The following RHOBTB1 variants were observed in gnomAD, a reference collection of about 807,000 sequenced individuals.
The protein encoded by RHOBTB1 is rho-related BTB domain-containing protein 1.
Under a neutral mutation model 71.6 loss-of-function variants are expected in RHOBTB1, and 40 were observed. The ratio of observed to expected loss-of-function variants is 0.56; its 90% CI spans 0.43 to 0.73. The LOEUF (loss-of-function observed/expected upper bound fraction) is 0.73, where lower values mean the gene tolerates loss of function less well. RHOBTB1 is among the 30% of genes least tolerant of loss of function. The pLI, the probability that RHOBTB1 is intolerant of heterozygous loss-of-function variation, is 0.00. For synonymous variants in RHOBTB1, 319 were observed against 334.9 expected (o/e 0.95, Z 0.52); for missense variants, 797 against 894.0 (o/e 0.89, Z 1.38).
At chr10:60,942,850 G>A (rs2084974927) in intron 1 of RHOBTB1, among the ~76,000 whole-genome samples, 1 of 136,896 alleles carries the variant, frequency 7.3e-6, no homozygotes, top group Admixed American at 7.8e-5. Context: ...TGAAACCACC[G>A]ATAACGGTAT....
At chr10:60,900,107 G>A (rs191308807) in intron 4 of RHOBTB1, among the ~76,000 whole-genome samples, 1 of 152,306 alleles carries the variant, frequency 6.6e-6, no homozygotes, top group African/African-American at 2.4e-5. Flanking sequence ...AGGGGAAACT[G>A]AAGTCTTTGA....
chr10:60,893,078 C>T, intron 4 of RHOBTB1, 83 bp from the exon 5 acceptor site: 1 of 949,896 alleles, frequency 1.1e-6, no homozygotes, highest in East Asian at 2.5e-5. Context: ...CAAACCCCAT[C>T]CTTCTAATGC....
intron 2 of RHOBTB1, among the ~76,000 whole-genome samples, chr10:60,932,463 G>T (rs995480414): frequency 1.1e-4 from 16 of 142,004 alleles, no homozygotes; most frequent in Non-Finnish European, 2.1e-4. Context: ...CTGTACATTT[G>T]CGATCTGCAT....
chr10:61,001,122 C>G (rs576568258), intron 1 of RHOBTB1, among the ~76,000 whole-genome samples: 230 of 152,158 alleles, frequency 1.5e-3, no homozygotes, highest in African/African-American at 5.4e-3. Flanking sequence ...AGGTAGGAGG[C>G]TGCTCAAGAC....
intron 1 of RHOBTB1, among the ~76,000 whole-genome samples, chr10:60,997,132 A>G (rs2087083881): frequency 6.6e-6 from 1 of 151,736 alleles, no homozygotes; most frequent in East Asian, 1.9e-4. Context: ...AACAAATGTC[A>G]TCATACCTAG....
intron 2 of RHOBTB1, among the ~76,000 whole-genome samples, chr10:60,925,060 T>G (rs535756658): frequency 1.3e-5 from 2 of 152,278 alleles, no homozygotes; most frequent in South Asian, 2.1e-4. Flanking sequence ...CAAGATCTGG[T>G]CATTTAAAAC....
chr10:60,966,422 C>A (rs549226722), intron 2 of RHOBTB1, among the ~76,000 whole-genome samples: 1 of 151,562 alleles, frequency 6.6e-6, no homozygotes, highest in African/African-American at 2.4e-5. Flanking sequence ...GTAATCCCAG[C>A]GCTTTGGGAG....
chr10:60,985,976 G>A (rs1299739852), intron 1 of RHOBTB1: 1 of 152,102 alleles, frequency 6.6e-6, no homozygotes, highest in African/African-American at 2.4e-5. Context: ...AGCATGGAAT[G>A]TTTCACTATC....
intron 6 of RHOBTB1, among the ~76,000 whole-genome samples, chr10:60,887,115 G>T (rs956900385): frequency 1.3e-5 from 2 of 148,584 alleles, no homozygotes. Context: ...CTCCCACATT[G>T]TATTTGATTA....
At chr10:60,982,804 A>C (rs1403445913) in intron 2 of RHOBTB1, among the ~76,000 whole-genome samples, 1 of 152,196 alleles carries the variant, frequency 6.6e-6, no homozygotes, top group Non-Finnish European at 1.5e-5. Context: ...GCTAGAATGC[A>C]TGTAGACTCT....
downstream of RHOBTB1, among the ~76,000 whole-genome samples, chr10:60,865,070 T>C (rs2080630897): frequency 6.6e-6 from 1 of 152,164 alleles, no homozygotes. Flanking sequence ...GGTCCAAACC[T>C]GGTAATGGGA....
At chr10:60,943,790 A>G (rs112933076) in intron 1 of RHOBTB1, among the ~76,000 whole-genome samples, 181 bp downstream of exon 1, 7,864 of 151,766 alleles carry the variant, frequency 0.052, 316 homozygotes, top group African/African-American at 0.11. Flanking sequence ...CCGGCCTCTC[A>G]GAGAGGCGAG....
chr10:60,872,855 G>T (rs1336563663), intron 9 of RHOBTB1, among the ~76,000 whole-genome samples: 1 of 152,106 alleles, frequency 6.6e-6, no homozygotes, highest in African/African-American at 2.4e-5. Context: ...CAGGAAGGTG[G>T]CAGCTGAGGT....
chr10:60,928,555 C>T (rs115152911), intron 2 of RHOBTB1, among the ~76,000 whole-genome samples: 1 of 151,616 alleles, frequency 6.6e-6, no homozygotes, highest in African/African-American at 2.4e-5. Context: ...CACTCATATA[C>T]AGGAGCTCCA....
At chr10:60,970,607 C>G (rs1219016103) in intron 2 of RHOBTB1, among the ~76,000 whole-genome samples, 2 of 152,032 alleles carry the variant, frequency 1.3e-5, no homozygotes. Flanking sequence ...TCATTTTGGA[C>G]AGTAGCATAA....
Position 60,944,126 on chromosome 10 carries a change from G to A in RHOBTB1, c.-217C>T, listed in dbSNP as rs1402420144. ...CGCCCGCCGCCCAACTTTGCACAAA[G>A]GCAGCATGGCACTGCCTCGCCCTGC... is the stretch of plus-strand genomic sequence containing the variant. On this transcript the variant is annotated 5_prime_UTR_variant, in exon 1 of 11. Transcript: ENST00000337910. 1 of 151,888 alleles carries A rather than the reference G, an allele frequency of 6.6e-6. No homozygotes were observed. Among genetic ancestry groups the A allele is most frequent in the Non-Finnish European group, 1.5e-5 (1 of 68,054 alleles). 9.4% of individuals were successfully genotyped at this position (151,888 alleles called of 1,614,324 possible).
chr10:60,911,740 C>G (rs2082983404), intron 2 of RHOBTB1, among the ~76,000 whole-genome samples, 188 bp from the exon 3 acceptor site: 1 of 152,226 alleles, frequency 6.6e-6, no homozygotes, highest in Non-Finnish European at 1.5e-5. Flanking sequence ...ATATCTCACA[C>G]AAGTACAAAA....
upstream of RHOBTB1, among the ~76,000 whole-genome samples, chr10:60,944,893 G>T (rs1050001984): frequency 6.6e-6 from 1 of 152,198 alleles, no homozygotes; most frequent in Non-Finnish European, 1.5e-5. Context: ...CCCCGACCCG[G>T]GTACAGAGGT....
chr10:60,975,832 G>T (rs1268971978), intron 2 of RHOBTB1, among the ~76,000 whole-genome samples: 1 of 152,090 alleles, frequency 6.6e-6, no homozygotes, highest in Non-Finnish European at 1.5e-5. Flanking sequence ...TGGGTTCTGA[G>T]ATTACAAAAC....
Sources: allele counts gnomAD v4.1 joint callset (sites outside exome capture counted in the v4.1 genomes callset), GRCh38; gene constraint gnomAD v4.1.1; transcripts MANE v1.5; gene names NCBI Gene and HGNC (gene_info 2026-07-23, HGNC 2026-07-21).